The following FMN2 variants were observed in gnomAD, a reference collection of about 807,000 sequenced individuals.
The protein encoded by FMN2 is formin 2.
A neutral mutation model predicts 142.3 loss-of-function variants in FMN2; 51 were observed. The ratio of observed to expected loss-of-function variants is 0.36; its 90% confidence interval spans 0.29 to 0.45. The LOEUF (loss-of-function observed/expected upper bound fraction) is 0.45. Among genes scored for constraint, FMN2 ranks in the 20% least tolerant of loss-of-function variants. FMN2 has a pLI of 1.00. For synonymous variants in FMN2, 882 were observed against 869.8 expected (o/e 1.01, Z -0.25); for missense variants, 1,936 against 2,122.8 (o/e 0.91, Z 1.73).
At chr1:240,152,215 G>A (rs1891231) in intron 2 of FMN2, among the ~76,000 whole-genome samples, 40,562 of 151,218 alleles carry the variant, frequency 0.27, 6,385 homozygotes, top group Admixed American at 0.38. Context: ...TCTCCTCTCT[G>A]TCTAATCCAG....
chr1:240,460,131 T>G (rs930507969), intron 16 of FMN2, among the ~76,000 whole-genome samples: 2 of 152,258 alleles, frequency 1.3e-5, no homozygotes, highest in African/African-American at 2.4e-5. Flanking sequence ...ATGAACGCTA[T>G]AGCCCACTGT....
At chr1:240,258,244 G>A (rs1171033504) in intron 7 of FMN2, among the ~76,000 whole-genome samples, 1 of 151,584 alleles carries the variant, frequency 6.6e-6, no homozygotes, top group Non-Finnish European at 1.5e-5. Context: ...CTTACTAACA[G>A]TCTAATTATC....
rs375060233 is a variant in FMN2 at position 240,297,317 on chromosome 1, T to C, written c.4215+2434T>C. The stretch of plus-strand genomic sequence containing the variant: ...ATGGTTTAGAATATTTTATTTGGGC[T>C]GGGTGTGGTGGCTCATGCCTGTAAT... On this transcript the variant is annotated intron_variant, in intron 8 of 17. Transcript: ENST00000319653. Among the ~76,000 whole-genome samples the C allele has an allele frequency of 2.6e-5, 4 of 152,114 alleles. No homozygotes were observed. The East Asian group carries it at 5.8e-4, about 22-fold the overall frequency.
intron 8 of FMN2, among the ~76,000 whole-genome samples, chr1:240,310,746 A>T (rs1670578108): frequency 6.6e-6 from 1 of 152,228 alleles, no homozygotes; most frequent in South Asian, 2.1e-4. Flanking sequence ...TGAGGTGGAT[A>T]GGAAGCAGTA....
At chr1:240,274,936 T>TTG (rs746916627) in intron 7 of FMN2, among the ~76,000 whole-genome samples, 1 of 151,978 alleles carries the variant, frequency 6.6e-6, no homozygotes, top group East Asian at 1.9e-4. Flanking sequence ...AGGTCAGACT[T>TTG]TGTTTGCTTG....
intron 16 of FMN2, among the ~76,000 whole-genome samples, chr1:240,467,102 A>AT (rs1255583022): frequency 6.6e-6 from 1 of 152,164 alleles, no homozygotes; most frequent in African/African-American, 2.4e-5. Context: ...AACAGAAGAC[A>AT]TAATAAGTAC....
chr1:240,118,475 A>T (rs976146279), intron 1 of FMN2, among the ~76,000 whole-genome samples: 5 of 152,098 alleles, frequency 3.3e-5, no homozygotes, highest in Admixed American at 2.0e-4. Flanking sequence ...CACTCAGAAC[A>T]ATTGTTCTCC....
chr1:240,260,410 A>G (rs1668586527), intron 7 of FMN2, among the ~76,000 whole-genome samples: 2 of 151,816 alleles, frequency 1.3e-5, no homozygotes, highest in South Asian at 4.2e-4. Flanking sequence ...CCATGCCAAC[A>G]TCTATTATTT....
chr1:240,468,333 T>C (rs796242438), intron 16 of FMN2, among the ~76,000 whole-genome samples: 26 of 152,212 alleles, frequency 1.7e-4, no homozygotes, highest in African/African-American at 5.5e-4. Context: ...CACACACACA[T>C]ATATACGTAT....
intron 6 of FMN2, among the ~76,000 whole-genome samples, chr1:240,254,559 C>A (rs1023418280): frequency 1.3e-5 from 2 of 152,056 alleles, no homozygotes; most frequent in African/African-American, 4.8e-5. Context: ...GTCCCCCCTA[C>A]CCCTGGCAGA....
At chr1:240,422,256 TA>T (rs2103144514) in intron 15 of FMN2, among the ~76,000 whole-genome samples, 1 of 152,330 alleles carries the variant, frequency 6.6e-6, no homozygotes, top group South Asian at 2.1e-4. Flanking sequence ...ATATAAATTT[TA>T]GAATCAATTG....
At chr1:240,178,331 T>C (rs545983005) in intron 3 of FMN2, among the ~76,000 whole-genome samples, 31 of 152,224 alleles carry the variant, frequency 2.0e-4, no homozygotes, top group African/African-American at 7.0e-4. Flanking sequence ...CCAAGCCTGG[T>C]TTTAAGAAAA....
intron 3 of FMN2, chr1:240,180,048 T>C (rs1348106423): frequency 1.4e-5 from 6 of 418,644 alleles, no homozygotes; most frequent in Non-Finnish European, 2.5e-5. Context: ...ATAGTTGGAA[T>C]TGATACCAGG....
chr1:240,178,865 C>T (rs1489573083), intron 3 of FMN2, among the ~76,000 whole-genome samples: 2 of 152,146 alleles, frequency 1.3e-5, no homozygotes, highest in Non-Finnish European at 2.9e-5. Flanking sequence ...TTCTCCTCCA[C>T]CCGATTTTCC....
At chr1:240,397,814 A>G (rs1673835691) in intron 15 of FMN2, among the ~76,000 whole-genome samples, 1 of 146,852 alleles carries the variant, frequency 6.8e-6, no homozygotes, top group African/African-American at 2.5e-5. Flanking sequence ...AAAAAAAGTT[A>G]ACCACACCTA....
intron 6 of FMN2, among the ~76,000 whole-genome samples, chr1:240,254,308 G>A (rs909455397): frequency 6.6e-6 from 1 of 151,982 alleles, no homozygotes; most frequent in African/African-American, 2.4e-5. Flanking sequence ...GGTGTGGGTG[G>A]GTGGGTGCTA....
At chr1:240,387,151 C>T (rs1673432014) in intron 14 of FMN2, among the ~76,000 whole-genome samples, 1 of 152,128 alleles carries the variant, frequency 6.6e-6, no homozygotes, top group Non-Finnish European at 1.5e-5. Context: ...TCATTGTTGC[C>T]TTTTTTCTTA....
chr1:240,180,181 G>A, intron 3 of FMN2: 12 of 1,280,752 alleles, frequency 9.4e-6, no homozygotes, highest in Non-Finnish European at 1.2e-5. Context: ...GATGATGGAG[G>A]TAAGAAGTAA....
chr1:240,154,541 G>GAC (rs1209147981), intron 2 of FMN2: 1 of 152,168 alleles, frequency 6.6e-6, no homozygotes, highest in Admixed American at 6.5e-5. Flanking sequence ...GATGGGCGGA[G>GAC]ACAGGGATGG....
Sources: allele counts gnomAD v4.1 joint callset (sites outside exome capture counted in the v4.1 genomes callset), GRCh38; gene constraint gnomAD v4.1.1; transcripts MANE v1.5; gene names NCBI Gene and HGNC (gene_info 2026-07-23, HGNC 2026-07-21).